Variants in BRCA2 observed in about 807,000 individuals in gnomAD.
BRCA2 encodes the protein breast cancer type 2 susceptibility protein.
A neutral mutation model predicts 276.7 loss-of-function variants in BRCA2; 203 were observed. The ratio of observed to expected loss-of-function variants is 0.73; its 90% CI spans 0.65 to 0.82. The LOEUF is 0.82. BRCA2 is among the 40% of genes least tolerant of loss of function. The probability of loss-of-function intolerance (pLI) is 0.00; values close to 1 mark genes in which losing one functional copy is unlikely to be tolerated. For synonymous variants in BRCA2, 1,289 were observed against 1,338.4 expected, an observed-to-expected ratio of 0.96 and a Z score of 0.81; for missense variants, 3,920 against 3,915.0, an observed-to-expected ratio of 1.00 and a Z score of -0.03.
In BRCA2 at chr13:32,333,216, A is replaced by G. The variant is rs2072420748; in HGVS notation, c.1738A>G (p.Ile580Val). 6.2e-7 allele frequency: 1 copy of G among 1,613,380 alleles called. No individual in the cohort carries two copies. Among genetic ancestry groups the G allele is most frequent in the Non-Finnish European group, 8.5e-7 (1 of 1,179,514 alleles). Residue 580 changes from isoleucine to valine, a missense_variant, in exon 10 of 27, where the codon ATA becomes GTA. Ile to Val is a conservative substitution (Grantham distance 29). Coordinates refer to ENST00000380152, the MANE Select transcript of BRCA2 (RefSeq NM_000059.4). The stretch of plus-strand genomic sequence containing the variant: ...TGTAGCTTTGAAGAATGCAGGTTTA[A>G]TATCCACTTTGAAAAAGAAAACAAA... ...NSVALKNAGL[I>V]STLKKKTNKF...
At chr13:32,366,881 AAAAG>A (rs796126239) in intron 18 of BRCA2, among the ~76,000 whole-genome samples, 19 of 151,638 alleles carry the variant, frequency 1.3e-4, no homozygotes, top group African/African-American at 4.6e-4. Context: ...AAAAAAAAAA[AAAAG>A]GAATAATCCA....
chr13:32,315,916 G>A (rs972513911), intron 1 of BRCA2, among the ~76,000 whole-genome samples: 4 of 152,200 alleles, frequency 2.6e-5, no homozygotes, highest in African/African-American at 9.7e-5. Flanking sequence ...TCCGCCTTCA[G>A]CTCAAGACTT....
rs10492396 is a variant in BRCA2, at chr13:32,384,750, G to A, written c.9256+4605G>A. 0.052 allele frequency: 13,199 copies of A among 254,848 alleles called. 500 individuals are homozygous for A. Among genetic ancestry groups the A allele is most frequent in the Non-Finnish European group, 0.065 (7,707 of 117,864 alleles). The allele number at this position is 254,848 out of a possible 1,614,324, so 15.8% of individuals were successfully genotyped here. A position where few individuals can be genotyped will look rare whatever the true frequency, so the allele number is the denominator to read the frequency against. On this transcript the variant is annotated intron_variant, in intron 24 of 26. Transcript: ENST00000380152. ...ATGGGAGGTATCAATTAAAGATGAT[G>A]AAATGCCTGATTTGGAAAACAGAGT...
Position 32,337,262 on chromosome 13 carries a change from A to G in BRCA2, c.2907A>G (p.Gln969=), listed in dbSNP as rs1555282935. 6.2e-7 allele frequency: 1 copy of G among 1,612,032 alleles called. No individual in the cohort carries two copies. Among genetic ancestry groups the G allele is most frequent in the Non-Finnish European group, 8.5e-7 (1 of 1,179,412 alleles). Reference sequence around the variant, plus strand: ...AGCATATAAAAATGACTCTAGGTCAAGATTTAAAATCGGACATCTCCTTGA... The same window carrying G: ...AGCATATAAAAATGACTCTAGGTCAGGATTTAAAATCGGACATCTCCTTGA... ...VKQHIKMTLG[Q]DLKSDISLNI... The change falls in exon 11 of 27, where the codon CAA becomes CAG. Residue 969 remains glutamine (Q), a synonymous_variant. Transcript: ENST00000380152.
chr13:32,329,382 A>G (rs531629557), intron 7 of BRCA2, 61 bp from the exon 8 acceptor site: 6 of 1,262,456 alleles, frequency 4.8e-6, no homozygotes, highest in Non-Finnish European at 6.8e-6. Context: ...GATGTCTGAC[A>G]AAAAATAAGT....
rs557839983 is a variant in BRCA2 at position 32,365,148 on chromosome 13, C to T, written c.8331+1615C>T. Among the ~76,000 whole-genome samples, 15 of 75,674 alleles carry T rather than the reference C, an allele frequency of 2.0e-4. No homozygotes were observed. The South Asian group carries it at 5.0e-3, about 25-fold the overall frequency. 49.6% of individuals were successfully genotyped at this position (75,674 alleles called of 152,430 possible). On this transcript the variant is annotated intron_variant, in intron 18 of 26. Coordinates refer to ENST00000380152, the MANE Select transcript of BRCA2 (RefSeq NM_000059.4). ...TTTTTTTTTTTTTTTGAGACAACGTCTCACTGTGTTACATAGGCTGGAGTG... is the reference window on the plus strand; with the variant it reads ...TTTTTTTTTTTTTTTGAGACAACGTTTCACTGTGTTACATAGGCTGGAGTG...
rs1383389587 is a variant in BRCA2, at chr13:32,399,751, A to G, written c.*981A>G. 1 of 160,530 alleles carries G rather than the reference A, an allele frequency of 6.2e-6. No homozygotes were observed. Among genetic ancestry groups the G allele is most frequent in the Non-Finnish European group, 1.4e-5 (1 of 73,318 alleles). 9.9% of individuals were successfully genotyped at this position (160,530 alleles called of 1,614,324 possible). On this transcript the variant is annotated 3_prime_UTR_variant, in exon 27 of 27. Coordinates refer to ENST00000380152, the MANE Select transcript of BRCA2 (RefSeq NM_000059.4). ...AACTTACCACAAAAGCAGAAGATTA[A>G]TTCAATTTAAGATGATACTCTCATT...
At chr13:32,320,181 G>A (rs1361835687) in intron 3 of BRCA2, among the ~76,000 whole-genome samples, 1 of 152,202 alleles carries the variant, frequency 6.6e-6, no homozygotes, top group Non-Finnish European at 1.5e-5. Flanking sequence ...GCAGACTAAA[G>A]GCAGGCATTG....
chr13:32,317,018 T>C lies in BRCA2; in HGVS notation c.67+491T>C, dbSNP rs902619207. On this transcript the variant is annotated intron_variant, in intron 2 of 26. Coordinates refer to ENST00000380152, the MANE Select transcript of BRCA2 (RefSeq NM_000059.4). ...TTTGAGACCAGCCTGGCCAACATGGTGAAACCCTATCTCTACTAAAAATAC... is the reference window on the plus strand; with the variant it reads ...TTTGAGACCAGCCTGGCCAACATGGCGAAACCCTATCTCTACTAAAAATAC... 5.3e-5 allele frequency among the ~76,000 whole-genome samples: 8 copies of C among 152,100 alleles called. No homozygotes were observed. In the East Asian group the frequency reaches 1.2e-3, roughly 22 times the overall value.
rs753227129 is a variant in BRCA2, at chr13:32,326,679, C to T, written c.631+66C>T. On this transcript the variant is annotated intron_variant, in intron 7 of 26. Coordinates refer to ENST00000380152, the MANE Select transcript of BRCA2 (RefSeq NM_000059.4). ...AGGTTGATAATTGTCATCTCTAATACTTCTGTTAAAAGGAAATATGAAAAG... is the reference window on the plus strand; with the variant it reads ...AGGTTGATAATTGTCATCTCTAATATTTCTGTTAAAAGGAAATATGAAAAG... 317 of 1,215,216 alleles carry T rather than the reference C, an allele frequency of 2.6e-4. 1 individual carries two copies. Among genetic ancestry groups the T allele is most frequent in the Non-Finnish European group, 5.6e-5 (47 of 841,394 alleles). The allele number at this position is 1,215,216 out of a possible 1,614,324, so 75.3% of individuals were successfully genotyped here.
intron 2 of BRCA2, among the ~76,000 whole-genome samples, chr13:32,317,431 A>C (rs1025281924): frequency 5.3e-5 from 8 of 152,180 alleles, no homozygotes; most frequent in Non-Finnish European, 1.0e-4. Flanking sequence ...TATGTGAAAA[A>C]AAATTAACCT....
rs781587561 is a variant in BRCA2 at position 32,339,461 on chromosome 13, A to G, written c.5106A>G (p.Pro1702=). 4 of 1,587,594 alleles carry G rather than the reference A, an allele frequency of 2.5e-6. No homozygotes were observed. In the South Asian group the frequency reaches 4.6e-5, roughly 18 times the overall value. The change falls in exon 11 of 27, where the codon CCA becomes CCG. Residue 1702 remains proline, a synonymous_variant. Transcript: ENST00000380152. ...WLREGIFDGQ[P]ERINTADYVG... is the part of the protein sequence containing the mutation. Reference sequence around the variant, plus strand: ...GAGAAGGAATATTTGATGGTCAACCAGAAAGAATAAATACTGCAGATTATG... The same window carrying G: ...GAGAAGGAATATTTGATGGTCAACCGGAAAGAATAAATACTGCAGATTATG...
chr13:32,369,381 G>C (rs566483775), intron 18 of BRCA2, among the ~76,000 whole-genome samples: 1 of 152,222 alleles, frequency 6.6e-6, no homozygotes, highest in East Asian at 1.9e-4. Context: ...CCCACCATAT[G>C]CTCCTGCCTT....
At chr13:32,332,040 T>C (rs1372428062) in intron 9 of BRCA2, among the ~76,000 whole-genome samples, 1 of 152,156 alleles carries the variant, frequency 6.6e-6, no homozygotes, top group Non-Finnish European at 1.5e-5. Flanking sequence ...GTTGTATGAA[T>C]AAAAGGCTTT....
chr13:32,351,971 T>G (rs2072655577), intron 13 of BRCA2, among the ~76,000 whole-genome samples: 1 of 151,960 alleles, frequency 6.6e-6, no homozygotes, highest in African/African-American at 2.4e-5. Context: ...CCGGCTAATT[T>G]TTTGTATTTT....
Position 32,332,434 on chromosome 13 carries a change from A to G in BRCA2, c.956A>G (p.Asn319Ser), listed in dbSNP as rs55939572. Residue 319 changes from asparagine to serine, a missense_variant, in exon 10 of 27, where the codon AAT becomes AGT. By Grantham distance (46) the Asn-to-Ser change is conservative. Around this residue, in one of 2 missense-constraint regions of BRCA2, gnomAD observed 3,263 missense variants for 3,156.9 expected, o/e 1.03. Coordinates refer to ENST00000380152, the MANE Select transcript of BRCA2 (RefSeq NM_000059.4). ...SLCFSKCRTK[N>S]LQKVRTSKTR... Reference sequence around the variant, plus strand: ...TGTTTTTCTAAATGTAGAACAAAAAATCTACAAAAAGTAAGAACTAGCAAG... The same window carrying G: ...TGTTTTTCTAAATGTAGAACAAAAAGTCTACAAAAAGTAAGAACTAGCAAG... The G allele has an allele frequency of 6.9e-5, 110 of 1,590,102 alleles. 1 individual carries two copies. Among genetic ancestry groups the G allele is most frequent in the Non-Finnish European group, 9.0e-5 (105 of 1,171,748 alleles).
At chr13:32,389,695 A>G (rs528711384) in intron 24 of BRCA2, among the ~76,000 whole-genome samples, 10 of 152,320 alleles carry the variant, frequency 6.6e-5, no homozygotes, top group African/African-American at 2.4e-4. Flanking sequence ...CAACGGGTTT[A>G]TTGTGACATA....
chr13:32,388,121 CT>C (rs34184533), intron 24 of BRCA2, among the ~76,000 whole-genome samples: 31,330 of 141,356 alleles, frequency 0.22, 3,377 homozygotes, highest in East Asian at 0.38. Context: ...ATGACCTCAT[CT>C]TTTTTTTTTT....
At chr13:32,367,130 G>C (rs1162510298) in intron 18 of BRCA2, among the ~76,000 whole-genome samples, 1 of 151,956 alleles carries the variant, frequency 6.6e-6, no homozygotes, top group Non-Finnish European at 1.5e-5. Flanking sequence ...AAAATAATTT[G>C]AGCATCAGAA....
Sources: gnomAD v4.1 joint callset for allele counts (sites outside exome capture counted in the v4.1 genomes callset) on GRCh38, gnomAD v4.1.1 for gene constraint, gnomAD v4.1.1 regional missense constraint, MANE v1.5 for transcripts, NCBI Gene and HGNC (gene_info 2026-07-23, HGNC 2026-07-21) for gene names.